ZNF148: variants seen among roughly 807,000 people sequenced by gnomAD.
ZNF148 encodes the protein Beta-Enolase Repressor Factor-1.
In ZNF148, 7 loss-of-function variants were observed where a neutral mutation model predicts 67.7. The observed-to-expected ratio is 0.10, with a 90% confidence interval of 0.06 to 0.19. The LOEUF (loss-of-function observed/expected upper bound fraction) is 0.19. Ranked by LOEUF, ZNF148 falls within the 10% of genes least tolerant of loss-of-function variation. The probability of loss-of-function intolerance (pLI) is 1.00; values close to 1 mark genes in which losing one functional copy is unlikely to be tolerated. For synonymous variants in ZNF148, 333 were observed against 330.7 expected, an observed-to-expected ratio of 1.01 and a Z score of -0.08; for missense variants, 583 against 947.1, an observed-to-expected ratio of 0.62 and a Z score of 5.05.
At chr3:125,336,114 A>C (rs1264460920) in intron 1 of ZNF148, among the ~76,000 whole-genome samples, 1 of 152,238 alleles carries the variant, frequency 6.6e-6, no homozygotes, top group Non-Finnish European at 1.5e-5. Flanking sequence ...TCATTTTTAA[A>C]GTTTCAATGA....
At chr3:125,369,115 A>G (rs1942789847) in intron 1 of ZNF148, among the ~76,000 whole-genome samples, 1 of 151,064 alleles carries the variant, frequency 6.6e-6, no homozygotes. Flanking sequence ...TACAAAAATT[A>G]GCTGGGTGTG....
chr3:125,305,527 A>G (rs967833995), intron 4 of ZNF148, among the ~76,000 whole-genome samples: 3 of 152,186 alleles, frequency 2.0e-5, no homozygotes, highest in Non-Finnish European at 2.9e-5. Context: ...GAATACAATT[A>G]GTGGCCGGGC....
chr3:125,323,008 G>A (rs1216213539), intron 3 of ZNF148, among the ~76,000 whole-genome samples: 3 of 152,110 alleles, frequency 2.0e-5, no homozygotes, highest in Admixed American at 6.5e-5. Flanking sequence ...ATGTGTTCAG[G>A]ATAGGGGGTA....
intron 1 of ZNF148, among the ~76,000 whole-genome samples, chr3:125,355,636 T>C (rs1026705759): frequency 2.6e-5 from 4 of 151,930 alleles, no homozygotes; most frequent in Non-Finnish European, 4.4e-5. Context: ...TGTGTAATCC[T>C]AGCACTTTGG....
intron 4 of ZNF148, among the ~76,000 whole-genome samples, chr3:125,301,891 C>T (rs1939606974): frequency 6.6e-6 from 1 of 151,978 alleles, no homozygotes; most frequent in Admixed American, 6.5e-5. Context: ...TGGTGAAACA[C>T]TGTCTCTATT....
chr3:125,256,999 G>T (rs1579634148), intron 7 of ZNF148, among the ~76,000 whole-genome samples: 9 of 113,254 alleles, frequency 7.9e-5, no homozygotes, highest in Admixed American at 3.0e-4. Flanking sequence ...TTTACAAACT[G>T]CAATTCTCTG....
intron 1 of ZNF148, among the ~76,000 whole-genome samples, chr3:125,363,470 A>G (rs901086274): frequency 6.6e-6 from 1 of 152,182 alleles, no homozygotes; most frequent in African/African-American, 2.4e-5. Context: ...TACTAATGGC[A>G]CCATCAATCT....
intron 7 of ZNF148, among the ~76,000 whole-genome samples, chr3:125,239,128 TA>T (rs1393902736): frequency 6.6e-6 from 1 of 152,178 alleles, no homozygotes; most frequent in African/African-American, 2.4e-5. Flanking sequence ...AGTTATTGCT[TA>T]ATGGGTACAG....
At chr3:125,270,790 T>C (rs1415681398) in intron 7 of ZNF148, among the ~76,000 whole-genome samples, 2 of 152,020 alleles carry the variant, frequency 1.3e-5, no homozygotes, top group East Asian at 1.9e-4. Flanking sequence ...GCAGGAGGAT[T>C]GCTTGAGCCC....
intron 1 of ZNF148, among the ~76,000 whole-genome samples, chr3:125,337,144 G>A (rs963843522): frequency 4.1e-4 from 62 of 152,006 alleles, no homozygotes; most frequent in East Asian, 1.9e-4. Flanking sequence ...TGAGCAAAAT[G>A]AGTAAAATAA....
Position 125,337,335 on chromosome 3 carries a change from G to T in ZNF148, c.-233-6097C>A, listed in dbSNP as rs117118651. ...TAAACTTTAAACTACTAAAGAGATA[G>T]AACTTTTAAATCTAAATCACCTGCT... On this transcript the variant is annotated intron_variant, in intron 1 of 8. Transcript: ENST00000360647. 1.1e-4 allele frequency among the ~76,000 whole-genome samples: 16 copies of T among 152,190 alleles called. No individual in the cohort carries two copies. In the East Asian group the frequency reaches 3.1e-3, roughly 29 times the overall value.
At chr3:125,341,052 C>T (rs1362924843) in intron 1 of ZNF148, among the ~76,000 whole-genome samples, 1 of 144,052 alleles carries the variant, frequency 6.9e-6, no homozygotes, top group Non-Finnish European at 1.5e-5. Flanking sequence ...GAAAATCATA[C>T]CATAAATGAG....
At position 125,331,188 on chromosome 3, in the gene ZNF148, C is replaced by A. The variant is rs1941275832; in HGVS notation, c.-183G>T. On this transcript the variant is annotated 5_prime_UTR_variant, in exon 2 of 9. Transcript: ENST00000360647. ...TTAAATACGTTAGGCAAACGCCCAT[C>A]CCGCCAGATCACGTGCTTGAATTTC... 2.5e-6 allele frequency: 1 copy of A among 398,430 alleles called. No homozygotes were observed. Among genetic ancestry groups the A allele is most frequent in the Non-Finnish European group, 4.4e-6 (1 of 226,056 alleles). 24.7% of individuals were successfully genotyped at this position (398,430 alleles called of 1,614,324 possible).
intron 7 of ZNF148, among the ~76,000 whole-genome samples, chr3:125,250,261 T>G (rs1175105221): frequency 6.6e-6 from 1 of 152,260 alleles, no homozygotes; most frequent in Non-Finnish European, 1.5e-5. Context: ...TTGTATACCT[T>G]AAATATATAC....
chr3:125,341,696 A>G (rs1023141182), intron 1 of ZNF148, among the ~76,000 whole-genome samples: 2 of 152,218 alleles, frequency 1.3e-5, no homozygotes, highest in Non-Finnish European at 2.9e-5. Context: ...GGTGGGCTCA[A>G]TAAAAACATA....
At chr3:125,278,696 T>C (rs1024897518) in intron 6 of ZNF148, among the ~76,000 whole-genome samples, 1 of 152,178 alleles carries the variant, frequency 6.6e-6, no homozygotes, top group Non-Finnish European at 1.5e-5. Context: ...TCTAGTTTGT[T>C]TACCCAAAGG....
At chr3:125,247,952 G>C (rs2107541249) in intron 7 of ZNF148, among the ~76,000 whole-genome samples, 1 of 152,194 alleles carries the variant, frequency 6.6e-6, no homozygotes, top group African/African-American at 2.4e-5. Flanking sequence ...AAAATAAGCT[G>C]AACACCATAT....
chr3:125,267,256 CG>C (rs1444648193), intron 7 of ZNF148, among the ~76,000 whole-genome samples: 3 of 149,416 alleles, frequency 2.0e-5, no homozygotes, highest in African/African-American at 7.4e-5. Context: ...AAAGACACAA[CG>C]GGGAAAAAAA....
intron 4 of ZNF148, among the ~76,000 whole-genome samples, chr3:125,298,346 T>TACACACACACACACACAC (rs141809192): frequency 0.094 from 13,750 of 145,596 alleles, 731 homozygotes; most frequent in East Asian, 0.18. Flanking sequence ...TAAATGTGCA[T>TACACACACACACACACAC]ACACACACAC....
Sources: allele counts gnomAD v4.1 joint callset (sites outside exome capture counted in the v4.1 genomes callset), GRCh38; gene constraint gnomAD v4.1.1; transcripts MANE v1.5; gene names NCBI Gene and HGNC (gene_info 2026-07-23, HGNC 2026-07-21).